Variants in JAG2 observed in about 807,000 individuals in gnomAD.
JAG2 encodes jagged canonical Notch ligand 2.
A neutral mutation model predicts 141.7 loss-of-function variants in JAG2; 46 were observed. The observed-to-expected ratio is 0.32, with a 90% CI of 0.26 to 0.42. The LOEUF is 0.42. Among genes scored for constraint, JAG2 ranks in the 10% least tolerant of loss-of-function variants. The pLI, the probability that JAG2 is intolerant of heterozygous loss-of-function variation, is 1.00. For synonymous variants in JAG2, 862 were observed against 763.5 expected (o/e 1.13, Z -2.13); for missense variants, 1,500 against 1,817.5 (o/e 0.83, Z 3.18).
chr14:105,151,615 C>T lies in JAG2; in HGVS notation c.1153+11G>A, dbSNP rs190677466. On this transcript the variant is annotated intron_variant, in intron 8 of 25. Coordinates refer to ENST00000331782, the MANE Select transcript of JAG2 (RefSeq NM_002226.5). The stretch of plus-strand genomic sequence containing the variant: ...TAGGCAGGAGTCCCCTACTCACGTG[C>T]AGACACTCACCAAGGGCACAGGTGG... The T allele has an allele frequency of 1.1e-5, 17 of 1,592,164 alleles. No individual in the cohort carries two copies. The Admixed American group carries it at 1.6e-4, about 15-fold the overall frequency.
At chr14:105,144,576 G>A (rs995066413) in intron 24 of JAG2, among the ~76,000 whole-genome samples, 7 of 152,186 alleles carry the variant, frequency 4.6e-5, no homozygotes, top group Non-Finnish European at 1.0e-4. Flanking sequence ...CAGGTCCAGG[G>A]CAGGTGCCAG....
chr14:105,143,656 A>G lies in JAG2; in HGVS notation c.3085-18T>C, dbSNP rs1462248091. ...CTGAAGGACTGCGGCAAAGAACGGC[A>G]TTGTGGGGATGGCTCGAGGGCTCCA... On this transcript the variant is annotated intron_variant, in intron 24 of 25. Coordinates refer to ENST00000331782, the MANE Select transcript of JAG2 (RefSeq NM_002226.5). 1 of 1,604,854 alleles carries G rather than the reference A, an allele frequency of 6.2e-7. No individual in the cohort carries two copies. Among genetic ancestry groups the G allele is most frequent in the Non-Finnish European group, 8.5e-7 (1 of 1,179,624 alleles).
Position 105,146,740 on chromosome 14 carries a change from C to G in JAG2, c.2480-16G>C. ...TCGTCGATGTCTGCAGGGAGAGCCACCGCTGCTCAGTGCAGTGAGGCCAAC... is the reference window on the plus strand; with the variant it reads ...TCGTCGATGTCTGCAGGGAGAGCCAGCGCTGCTCAGTGCAGTGAGGCCAAC... On this transcript the variant is annotated splice_polypyrimidine_tract_variant and intron_variant, in intron 20 of 25. Transcript: ENST00000331782. 6.3e-7 allele frequency: 1 copy of G among 1,594,030 alleles called. No individual in the cohort carries two copies. The highest frequency in any genetic ancestry group is 1.1e-5 in the South Asian group (1 of 90,442).
chr14:105,157,661 C>G, intron 3 of JAG2, 45 bp downstream of exon 3: 1 of 1,518,292 alleles, frequency 6.6e-7, no homozygotes, highest in Non-Finnish European at 8.9e-7. Context: ...GCCACAGGCA[C>G]GCTGAAGCTG....
chr14:105,168,092 C>T lies in JAG2; in HGVS notation c.82G>A (p.Gly28Ser), dbSNP rs1177349918. 1 of 1,561,972 alleles carries T rather than the reference C, an allele frequency of 6.4e-7. No individual in the cohort carries two copies. The highest frequency in any genetic ancestry group is 1.8e-5 in the Admixed American group (1 of 56,400). Residue 28 changes from glycine (G) to serine (S), a missense_variant, in exon 2 of 26, where the codon GGC becomes AGC. This residue lies in a region of JAG2 where 200 missense variants were observed against 174.3 expected (regional missense o/e 1.15). Transcript: ENST00000331782. ...ALWVQAARPM[G>S]YFELQLSALR... is the part of the protein sequence containing the mutation. The stretch of plus-strand genomic sequence containing the variant: ...GCGCTCAGCTGCAGCTCGAAATAGC[C>T]CATGGGCCGCGCCGCCTAAAAATAA...
intron 2 of JAG2, among the ~76,000 whole-genome samples, chr14:105,166,381 G>C (rs1031052183): frequency 1.3e-5 from 2 of 152,258 alleles, no homozygotes; most frequent in African/African-American, 4.8e-5. Context: ...GACAGGCTGC[G>C]GGCCCTGCTC....
At chr14:105,152,724 G>A (rs1185704955) in intron 5 of JAG2, among the ~76,000 whole-genome samples, 3 of 152,286 alleles carry the variant, frequency 2.0e-5, no homozygotes. Flanking sequence ...ATGTGGCCCT[G>A]GGCACAGCAC....
chr14:105,161,078 C>T (rs1047176063), intron 2 of JAG2, among the ~76,000 whole-genome samples: 24 of 150,170 alleles, frequency 1.6e-4, no homozygotes, highest in African/African-American at 5.4e-4. Flanking sequence ...GTGACTGTTG[C>T]GGGTCTGAGT....
rs1293730461 is a variant in JAG2, at chr14:105,142,336, AC to A, written c.*358del. The A allele has an allele frequency of 1.4e-5, 3 of 220,468 alleles. No homozygotes were observed. Among genetic ancestry groups the A allele is most frequent in the Non-Finnish European group, 2.7e-5 (3 of 111,838 alleles). 13.7% of individuals were successfully genotyped at this position (220,468 alleles called of 1,614,324 possible). A position where few individuals can be genotyped will look rare whatever the true frequency, so the allele number is the denominator to read the frequency against. The stretch of plus-strand genomic sequence containing the variant: ...CACTTTGGCCTGGAGCCACAGAGAA[AC>A]CCGAGTGAGGAATAAAAGGAAGATT... On this transcript the variant is annotated 3_prime_UTR_variant, in exon 26 of 26. Transcript: ENST00000331782.
Position 105,151,983 on chromosome 14 carries a change from G to A in JAG2, c.994C>T (p.Arg332Cys), listed in dbSNP as rs776917434. The change falls in exon 7 of 26, where the codon CGC becomes TGC. Residue 332 changes from arginine (R) to cysteine (C), a missense_variant. Around this residue, in one of 3 missense-constraint regions of JAG2, gnomAD observed 875 missense variants for 1,202.2 expected, o/e 0.73. Coordinates refer to ENST00000331782, the MANE Select transcript of JAG2 (RefSeq NM_002226.5). ...TCINAEPDQYRCTCPDGYSGR... is the reference protein window; with the variant it reads ...TCINAEPDQYCCTCPDGYSGR... Reference sequence around the variant, plus strand: ...GAGTAGCCGTCAGGGCAGGTGCAGCGGTACTGGTCAGGCTCGGCGTTGATG... The same window carrying A: ...GAGTAGCCGTCAGGGCAGGTGCAGCAGTACTGGTCAGGCTCGGCGTTGATG... 5 of 1,613,260 alleles carry A rather than the reference G, an allele frequency of 3.1e-6. No homozygotes were observed. The highest frequency in any genetic ancestry group is 2.2e-5 in the East Asian group (1 of 44,892).
Position 105,151,280 on chromosome 14 carries a change from T to A in JAG2, c.1267+3A>T, listed in dbSNP as rs751463866. On this transcript the variant is annotated splice_donor_region_variant and intron_variant, in intron 9 of 25. Transcript: ENST00000331782. ...TTCCCATGCACTCGCTCGGAGCCCT[T>A]ACCCAGCTGGCAGGTGGCCCCCACC... The A allele has an allele frequency of 1.2e-6, 2 of 1,611,198 alleles. No homozygotes were observed. Among genetic ancestry groups the A allele is most frequent in the Non-Finnish European group, 1.7e-6 (2 of 1,179,104 alleles).
intron 2 of JAG2, among the ~76,000 whole-genome samples, chr14:105,161,488 C>T (rs1449404405): frequency 6.6e-6 from 1 of 152,212 alleles, no homozygotes; most frequent in Non-Finnish European, 1.5e-5. Flanking sequence ...GGTAAGATTA[C>T]TGCCACCTTC....
chr14:105,162,140 C>T (rs1888766454), intron 2 of JAG2, among the ~76,000 whole-genome samples: 4 of 152,076 alleles, frequency 2.6e-5, no homozygotes, highest in Admixed American at 1.3e-4. Context: ...CCAGGTTCCC[C>T]GGCAAGCAGG....
At position 105,148,225 on chromosome 14, in the gene JAG2, C is replaced by T. The variant is rs1888292028; in HGVS notation, c.2139G>A (p.Glu713=). 6.4e-7 allele frequency: 1 copy of T among 1,560,526 alleles called. No individual in the cohort carries two copies. Among genetic ancestry groups the T allele is most frequent in the East Asian group, 2.4e-5 (1 of 41,486 alleles). The change falls in exon 17 of 26, where the codon GAG becomes GAA. Residue 713 remains glutamate, a synonymous_variant. Coordinates refer to ENST00000331782, the MANE Select transcript of JAG2 (RefSeq NM_002226.5). Reference sequence around the variant, plus strand: ...TGCAGGTGTAGGCATCGCACTGGAACTCGCCTGTTGGCACATGGGCCGCTC... The same window carrying T: ...TGCAGGTGTAGGCATCGCACTGGAATTCGCCTGTTGGCACATGGGCCGCTC... ...GWKGKTCHSR[E]FQCDAYTCSN...
At chr14:105,159,372 C>T (rs1888665545) in intron 2 of JAG2, among the ~76,000 whole-genome samples, 1 of 151,942 alleles carries the variant, frequency 6.6e-6, no homozygotes, top group Non-Finnish European at 1.5e-5. Flanking sequence ...TGACAACAGA[C>T]CCTCAATCCC....
chr14:105,157,659 C>A, intron 3 of JAG2, 47 bp downstream of exon 3: 1 of 1,504,990 alleles, frequency 6.6e-7, no homozygotes. Flanking sequence ...CTGCCACAGG[C>A]ACGCTGAAGC....
intron 23 of JAG2, among the ~76,000 whole-genome samples, 193 bp downstream of exon 23, chr14:105,145,538 C>T (rs1888196350): frequency 6.6e-6 from 1 of 152,250 alleles, no homozygotes; most frequent in Non-Finnish European, 1.5e-5. Context: ...CTCCCAGCCT[C>T]CTCTGCCACC....
intron 5 of JAG2, among the ~76,000 whole-genome samples, chr14:105,155,211 G>A (rs587625822): frequency 3.3e-5 from 5 of 151,304 alleles, no homozygotes; most frequent in Admixed American, 2.0e-4. Context: ...CTTGCCGGCC[G>A]CTCGCCGCCC....
At chr14:105,157,604 AGGG>A in intron 3 of JAG2, 99 bp downstream of exon 3, 1 of 1,124,278 alleles carries the variant, frequency 8.9e-7, no homozygotes, top group Non-Finnish European at 1.3e-6. Context: ...CATGATCCTC[AGGG>A]TAAAGCAAGG....
Sources: gnomAD v4.1 joint callset for allele counts (sites outside exome capture counted in the v4.1 genomes callset) on GRCh38, gnomAD v4.1.1 for gene constraint, gnomAD v4.1.1 regional missense constraint, MANE v1.5 for transcripts, NCBI Gene and HGNC (gene_info 2026-07-23, HGNC 2026-07-21) for gene names.